The following GSE1 variants were observed in gnomAD, a reference collection of about 807,000 sequenced individuals.
GSE1 encodes genetic suppressor element 1.
In GSE1, 32 loss-of-function variants were observed where a neutral mutation model predicts 112.6. The ratio of observed to expected loss-of-function variants is 0.28; its 90% CI spans 0.21 to 0.38. GSE1 has a LOEUF of 0.38. Among genes scored for constraint, GSE1 ranks in the 10% least tolerant of loss-of-function variants. GSE1 has a pLI of 1.00. For synonymous variants in GSE1, 1,115 were observed against 735.6 expected, an observed-to-expected ratio of 1.52 and a Z score of -8.35; for missense variants, 2,348 against 1,699.2, an observed-to-expected ratio of 1.38 and a Z score of -6.71.
chr16:85,385,110 G>A (rs1046787906), intron 2 of GSE1, among the ~76,000 whole-genome samples: 4 of 152,256 alleles, frequency 2.6e-5, no homozygotes, highest in East Asian at 1.9e-4. Flanking sequence ...GTCTGTTCTC[G>A]CCAAGGAAGC....
chr16:85,516,953 A>G (rs944455576), intron 2 of GSE1, among the ~76,000 whole-genome samples: 2 of 151,670 alleles, frequency 1.3e-5, no homozygotes, highest in Non-Finnish European at 2.9e-5. Context: ...GCCTGTCACC[A>G]CGCCCGGCTA....
chr16:85,581,271 C>A (rs953787584), intron 1 of GSE1, among the ~76,000 whole-genome samples: 1 of 152,180 alleles, frequency 6.6e-6, no homozygotes, highest in Admixed American at 6.5e-5. Flanking sequence ...GCCCCATGCC[C>A]CCTGCCCCTT....
chr16:85,614,852 G>A (rs1038349543), intron 1 of GSE1, among the ~76,000 whole-genome samples: 1 of 152,230 alleles, frequency 6.6e-6, no homozygotes, highest in Non-Finnish European at 1.5e-5. Flanking sequence ...AATGGAAAGA[G>A]GGCTCCTTTT....
intron 1 of GSE1, 115 bp from the exon 2 acceptor site, chr16:85,633,799 C>T (rs538416190): frequency 9.2e-5 from 67 of 728,060 alleles, no homozygotes; most frequent in African/African-American, 1.4e-4. Context: ...CTGGAGCCCC[C>T]GGGGCTGCCC....
Position 85,654,807 on chromosome 16 carries a change from G to C in GSE1, c.613G>C (p.Val205Leu). 6.2e-7 allele frequency: 1 copy of C among 1,610,114 alleles called. No individual in the cohort carries two copies. The highest frequency in any genetic ancestry group is 1.1e-5 in the South Asian group (1 of 90,820). The change falls in exon 5 of 16, where the codon GTG (valine) becomes CTG (leucine). Residue 205 changes from valine to leucine, a missense_variant. Physicochemically the swap from Val to Leu is conservative, Grantham distance 32. Coordinates refer to ENST00000253458, the MANE Select transcript of GSE1 (RefSeq NM_014615.5). ...CCCCGCCTGCAGCCTCCAGCGGCCC[G>C]TGCACCACGTGGTGCCCCCCAGTAC... The part of the protein sequence containing the change: ...RFPPLNLQRP[V>L]HHVVPPSTVT...
intron 1 of GSE1, among the ~76,000 whole-genome samples, chr16:85,331,499 G>GTGTATATA: frequency 7.5e-6 from 1 of 133,058 alleles, no homozygotes; most frequent in South Asian, 2.4e-4. Context: ...ATGTGTATAT[G>GTGTATATA]TGTATATATG....
chr16:85,383,846 A>G lies in GSE1; in HGVS notation c.2464+26203A>G, dbSNP rs116461401. Among the ~76,000 whole-genome samples, 322 of 152,206 alleles carry G rather than the reference A, an allele frequency of 2.1e-3. 1 individual carries two copies. The highest frequency in any genetic ancestry group is 7.2e-3 in the African/African-American group (300 of 41,532). ...GGAGGACCACACAGACCTCTTTCCTACAGAGCTTGGGGTCAGAGTGGACCA... is the reference window on the plus strand; with the variant it reads ...GGAGGACCACACAGACCTCTTTCCTGCAGAGCTTGGGGTCAGAGTGGACCA... On this transcript the variant is annotated intron_variant, in intron 2 of 2. Coordinates refer to the GSE1 transcript ENST00000637419.
At chr16:85,638,864 T>TCCCCCCGTCAATGGCTC (rs2050217964) in intron 2 of GSE1, among the ~76,000 whole-genome samples, 1 of 151,912 alleles carries the variant, frequency 6.6e-6, no homozygotes, top group Non-Finnish European at 1.5e-5. Context: ...CGCCATGGCT[T>TCCCCCCGTCAATGGCTC]CCCCCCGTCA....
At chr16:85,553,680 C>G (rs1372533242), upstream of GSE1, among the ~76,000 whole-genome samples, 1 of 152,144 alleles carries the variant, frequency 6.6e-6, no homozygotes, top group South Asian at 2.1e-4. Context: ...CCACCCCTCC[C>G]TTGGCTCCGA....
At chr16:85,460,572 C>T (rs544319643) in intron 2 of GSE1, among the ~76,000 whole-genome samples, 139 of 152,354 alleles carry the variant, frequency 9.1e-4, no homozygotes, top group African/African-American at 3.3e-3. Context: ...AAGTGGGCGA[C>T]GTCACTTGTT....
intron 1 of GSE1, among the ~76,000 whole-genome samples, chr16:85,602,152 CT>C (rs1401492643): frequency 6.6e-6 from 1 of 152,186 alleles, no homozygotes; most frequent in African/African-American, 2.4e-5. Flanking sequence ...ACAGTAGGCA[CT>C]TAACGAATGC....
chr16:85,171,026 A>G (rs978585558), exon 1 of GSE1: 152 of 985,474 alleles, frequency 1.5e-4, no homozygotes, highest in Non-Finnish European at 1.8e-4. Flanking sequence ...AGGATCCTCA[A>G]CGGCAACGCC....
intron 1 of GSE1, among the ~76,000 whole-genome samples, chr16:85,626,815 C>T (rs1029650214): frequency 6.6e-6 from 1 of 152,086 alleles, no homozygotes; most frequent in African/African-American, 2.4e-5. Flanking sequence ...TAATAAGCCC[C>T]TCCAGCCTCG....
intron 1 of GSE1, among the ~76,000 whole-genome samples, chr16:85,337,415 C>T (rs1402348466): frequency 6.6e-6 from 1 of 151,470 alleles, no homozygotes; most frequent in African/African-American, 2.4e-5. Context: ...ACGCCATTCT[C>T]CTGCCTCAGC....
intron 1 of GSE1, among the ~76,000 whole-genome samples, chr16:85,208,326 G>A (rs932024455): frequency 1.3e-5 from 2 of 152,202 alleles, no homozygotes; most frequent in African/African-American, 4.8e-5. Context: ...TCCCTGAACG[G>A]TCTGCGGAGT....
intron 1 of GSE1, among the ~76,000 whole-genome samples, chr16:85,567,194 CG>C (rs1567597380): frequency 1.3e-5 from 2 of 151,750 alleles, no homozygotes. Flanking sequence ...CCAACCGTTG[CG>C]GGGGAGGGGA....
At chr16:85,270,611 T>C (rs376678704) in intron 1 of GSE1, among the ~76,000 whole-genome samples, 51 of 148,920 alleles carry the variant, frequency 3.4e-4, no homozygotes, top group African/African-American at 1.2e-3. Flanking sequence ...ATTTGTTGGA[T>C]TGATGTTGCC....
At chr16:85,310,979 A>T (rs111768859) in intron 1 of GSE1, among the ~76,000 whole-genome samples, 5,555 of 152,302 alleles carry the variant, frequency 0.036, 333 homozygotes, top group African/African-American at 0.12. Context: ...TCCTTCAGCA[A>T]CCGGCAGGCA....
chr16:85,210,107 G>T (rs530402068), intron 1 of GSE1, among the ~76,000 whole-genome samples: 1 of 152,288 alleles, frequency 6.6e-6, no homozygotes, highest in South Asian at 2.1e-4. Context: ...TCATATTGCC[G>T]CTGGCAGCAT....
Sources: gnomAD v4.1 joint callset for allele counts (sites outside exome capture counted in the v4.1 genomes callset) on GRCh38, gnomAD v4.1.1 for gene constraint, MANE v1.5 for transcripts, NCBI Gene and HGNC (gene_info 2026-07-23, HGNC 2026-07-21) for gene names.